The following FHIT variants were observed in gnomAD, a reference collection of about 807,000 sequenced individuals.
FHIT encodes the protein fragile histidine triad diadenosine triphosphatase.
A neutral mutation model predicts 17.9 loss-of-function variants in FHIT; 19 were observed. The ratio of observed to expected loss-of-function variants is 1.06; its 90% CI spans 0.74 to 1.56. The LOEUF is 1.56. Among genes scored for constraint, FHIT ranks in the 40% most tolerant of loss-of-function variants. FHIT has a pLI of 0.00. For synonymous variants in FHIT, 81 were observed against 69.7 expected, an observed-to-expected ratio of 1.16 and a Z score of -0.81; for missense variants, 248 against 189.2, an observed-to-expected ratio of 1.31 and a Z score of -1.82.
At chr3:60,578,341 G>A (rs566189111) in intron 4 of FHIT, among the ~76,000 whole-genome samples, 88 of 151,774 alleles carry the variant, frequency 5.8e-4, no homozygotes, top group Middle Eastern at 3.4e-3. Context: ...GGAGGCTGAC[G>A]CAGGAGAATC....
chr3:60,054,882 G>A (rs557625933), intron 5 of FHIT, among the ~76,000 whole-genome samples: 2 of 152,180 alleles, frequency 1.3e-5, no homozygotes, highest in East Asian at 1.9e-4. Context: ...TATCACTGGT[G>A]AGAAATTTGT....
chr3:59,951,909 G>A (rs911824845), intron 7 of FHIT, among the ~76,000 whole-genome samples: 1 of 152,088 alleles, frequency 6.6e-6, no homozygotes, highest in African/African-American at 2.4e-5. Flanking sequence ...AACCACCTTG[G>A]CTCAATAGTC....
intron 1 of FHIT, among the ~76,000 whole-genome samples, chr3:61,234,186 G>A (rs887483246): frequency 1.3e-5 from 2 of 152,076 alleles, no homozygotes; most frequent in Admixed American, 6.5e-5. Context: ...TGTTAGTGAG[G>A]ATTCGAGATC....
chr3:59,905,970 A>G (rs1704568010), intron 8 of FHIT, among the ~76,000 whole-genome samples: 1 of 152,208 alleles, frequency 6.6e-6, no homozygotes, highest in Non-Finnish European at 1.5e-5. Flanking sequence ...TCTGGAAGGT[A>G]CTGTGTGATT....
intron 5 of FHIT, among the ~76,000 whole-genome samples, chr3:60,157,715 A>T (rs374368504): frequency 6.6e-6 from 1 of 152,186 alleles, no homozygotes; most frequent in Non-Finnish European, 1.5e-5. Context: ...CTTCTCCCAT[A>T]TATTTTCAAA....
intron 5 of FHIT, among the ~76,000 whole-genome samples, chr3:60,086,529 G>C (rs902906154): frequency 2.0e-5 from 3 of 152,126 alleles, no homozygotes; most frequent in African/African-American, 7.2e-5. Context: ...TGAGCCTATA[G>C]GATCAAAAAT....
intron 5 of FHIT, among the ~76,000 whole-genome samples, chr3:60,289,552 C>A (rs1364977414): frequency 6.6e-6 from 1 of 152,162 alleles, no homozygotes; most frequent in Non-Finnish European, 1.5e-5. Context: ...AAGATTCCAG[C>A]AATCCCTAGG....
chr3:60,742,656 C>T (rs1553714162), intron 4 of FHIT, among the ~76,000 whole-genome samples: 1 of 152,184 alleles, frequency 6.6e-6, no homozygotes, highest in East Asian at 1.9e-4. Flanking sequence ...TTTAGGAACC[C>T]ATGCGTTTGA....
intron 5 of FHIT, among the ~76,000 whole-genome samples, chr3:60,346,936 T>C (rs1360949561): frequency 6.6e-6 from 1 of 152,240 alleles, no homozygotes; most frequent in Non-Finnish European, 1.5e-5. Context: ...TTTTTTCCTG[T>C]AGATCATATG....
intron 2 of FHIT, among the ~76,000 whole-genome samples, chr3:61,087,439 G>T (rs980652696): frequency 7.9e-5 from 12 of 152,040 alleles, no homozygotes; most frequent in Admixed American, 7.9e-4. Context: ...TTCCAGCAAG[G>T]TTCTCAGCCT....
At chr3:60,450,768 C>T (rs567109392) in intron 5 of FHIT, among the ~76,000 whole-genome samples, 1 of 152,086 alleles carries the variant, frequency 6.6e-6, no homozygotes, top group African/African-American at 2.4e-5. Context: ...AGCCATAAAC[C>T]AAAAACACCA....
chr3:60,814,245 G>A (rs1054300565), intron 4 of FHIT, among the ~76,000 whole-genome samples: 1 of 152,012 alleles, frequency 6.6e-6, no homozygotes, highest in Non-Finnish European at 1.5e-5. Context: ...ATATTTGCAT[G>A]TTTGTTACCT....
At chr3:60,406,493 G>T (rs766813230) in intron 5 of FHIT, among the ~76,000 whole-genome samples, 22 of 152,180 alleles carry the variant, frequency 1.4e-4, no homozygotes, top group Non-Finnish European at 1.5e-4. Flanking sequence ...AAGCGAAAGA[G>T]ACACACGGCA....
Position 60,027,148 on chromosome 3 carries a change from C to CAAAAAAA in FHIT, c.104-12997_104-12996insTTTTTTT, listed in dbSNP as rs57414828. ...ACACACACACACACACACACACACACAAAATTAGTAAACCCAATAATCCAC... is the reference window on the plus strand; with the variant it reads ...ACACACACACACACACACACACACACAAAAAAAAAAATTAGTAAACCCAATAATCCAC... On this transcript the variant is annotated intron_variant, in intron 5 of 9. Transcript: ENST00000492590. 3.3e-4 allele frequency among the ~76,000 whole-genome samples: 42 copies of CAAAAAAA among 125,840 alleles called. 1 individual carries two copies. The highest frequency in any genetic ancestry group is 1.1e-3 in the African/African-American group (39 of 36,946). 82.6% of individuals were successfully genotyped at this position (125,840 alleles called of 152,430 possible).
intron 8 of FHIT, among the ~76,000 whole-genome samples, chr3:59,804,671 T>A (rs1700126582): frequency 6.6e-6 from 1 of 152,202 alleles, no homozygotes; most frequent in African/African-American, 2.4e-5. Context: ...ACTTGGCGTA[T>A]GCCCTATGGA....
chr3:60,292,649 A>G (rs950756610), intron 5 of FHIT, among the ~76,000 whole-genome samples: 5 of 152,164 alleles, frequency 3.3e-5, no homozygotes, highest in African/African-American at 1.2e-4. Context: ...ATTGCCGGCC[A>G]AGATATCCCA....
chr3:60,448,811 C>T (rs1314396687), intron 5 of FHIT, among the ~76,000 whole-genome samples: 2 of 152,154 alleles, frequency 1.3e-5, no homozygotes, highest in Non-Finnish European at 2.9e-5. Context: ...CTACATCTCA[C>T]TAAGAACATG....
chr3:60,621,626 G>A (rs781919138), intron 4 of FHIT, among the ~76,000 whole-genome samples: 28 of 152,130 alleles, frequency 1.8e-4, no homozygotes, highest in Non-Finnish European at 3.1e-4. Context: ...TGTGCAAGGT[G>A]GTCACTATAC....
chr3:59,848,518 A>G (rs1189837893), intron 8 of FHIT, among the ~76,000 whole-genome samples: 1 of 152,218 alleles, frequency 6.6e-6, no homozygotes, highest in Non-Finnish European at 1.5e-5. Context: ...AATATTTAGA[A>G]TATCTTCTAA....
Sources: allele counts gnomAD v4.1 joint callset (sites outside exome capture counted in the v4.1 genomes callset), GRCh38; gene constraint gnomAD v4.1.1; transcripts MANE v1.5; gene names NCBI Gene and HGNC (gene_info 2026-07-23, HGNC 2026-07-21).